The following HOOK3 variants were observed in gnomAD, a reference collection of about 807,000 sequenced individuals.
HOOK3 encodes the protein hook microtubule tethering protein 3, also known as protein Hook homolog 3.
A neutral mutation model predicts 116.3 loss-of-function variants in HOOK3; 24 were observed. The ratio of observed to expected loss-of-function variants is 0.21; its 90% CI spans 0.15 to 0.29. HOOK3 has a LOEUF of 0.29. HOOK3 is among the 10% of genes least tolerant of loss of function. The pLI, the probability that HOOK3 is intolerant of heterozygous loss-of-function variation, is 1.00. For missense variants in HOOK3, 632 were observed against 830.2 expected (o/e 0.76, Z 2.93); for synonymous variants, 275 against 283.0 (o/e 0.97, Z 0.28).
At chr8:42,963,890 G>C (rs1185777184) in intron 8 of HOOK3, among the ~76,000 whole-genome samples, 1 of 152,194 alleles carries the variant, frequency 6.6e-6, no homozygotes, top group Non-Finnish European at 1.5e-5. Context: ...GTTTTAAGTA[G>C]AGATTGATTG....
At chr8:42,996,212 C>T (rs1809261796) in intron 15 of HOOK3, among the ~76,000 whole-genome samples, 1 of 151,780 alleles carries the variant, frequency 6.6e-6, no homozygotes, top group South Asian at 2.1e-4. Flanking sequence ...ATAGTGAAAC[C>T]CCGTCTCTAC....
chr8:42,989,047 T>C (rs1367729775), intron 15 of HOOK3, among the ~76,000 whole-genome samples: 1 of 152,234 alleles, frequency 6.6e-6, no homozygotes, highest in Non-Finnish European at 1.5e-5. Flanking sequence ...CGTAGACCTC[T>C]GAAGTCCTTT....
chr8:43,008,902 G>A (rs1037996787), intron 18 of HOOK3, among the ~76,000 whole-genome samples: 1 of 150,828 alleles, frequency 6.6e-6, no homozygotes, highest in Non-Finnish European at 1.5e-5. Flanking sequence ...CTCGTGATCC[G>A]CCCGCCTCGG....
At chr8:42,902,354 C>T (rs73635342) in intron 1 of HOOK3, among the ~76,000 whole-genome samples, 2,158 of 151,770 alleles carry the variant, frequency 0.014, 51 homozygotes, top group African/African-American at 0.051. Context: ...TCACTGCAGT[C>T]CCGACCCCCC....
chr8:42,939,194 G>T (rs1388501347), intron 4 of HOOK3, among the ~76,000 whole-genome samples: 2 of 151,972 alleles, frequency 1.3e-5, no homozygotes, highest in Non-Finnish European at 2.9e-5. Flanking sequence ...CCACAAAACC[G>T]CCATTGTCAT....
rs761411852 is a variant in HOOK3 at position 42,974,087 on chromosome 8, A to G, written c.1234-20A>G. 1.5e-5 allele frequency: 23 copies of G among 1,582,612 alleles called. No homozygotes were observed. The South Asian group carries it at 2.3e-4, about 16-fold the overall frequency. On this transcript the variant is annotated intron_variant, in intron 12 of 21. Transcript: ENST00000307602. ...TCTTAAAACGTGAAGCTAACCCTCC[A>G]TGTTTTTGTGTCTCTCCAGAGGCTG...
At chr8:42,933,366 T>G (rs1269785064) in intron 4 of HOOK3, among the ~76,000 whole-genome samples, 9 of 152,050 alleles carry the variant, frequency 5.9e-5, no homozygotes, top group Non-Finnish European at 2.9e-5. Context: ...GAATTCAGAG[T>G]TTTTCAGATT....
chr8:42,978,906 T>G (rs1484579205), intron 13 of HOOK3, among the ~76,000 whole-genome samples: 2 of 152,166 alleles, frequency 1.3e-5, no homozygotes, highest in Non-Finnish European at 2.9e-5. Context: ...TGATCTAAGC[T>G]CATACCTAGT....
At chr8:42,990,393 T>C (rs1206826228) in intron 15 of HOOK3, among the ~76,000 whole-genome samples, 1 of 127,696 alleles carries the variant, frequency 7.8e-6, no homozygotes, top group East Asian at 2.6e-4. Flanking sequence ...CAGGCTGGAA[T>C]GCAGTGGCAC....
intron 16 of HOOK3, 124 bp downstream of exon 16, chr8:42,997,761 A>T (rs1320365226): frequency 1.5e-6 from 1 of 680,852 alleles, no homozygotes; most frequent in African/African-American, 1.8e-5. Flanking sequence ...GAAAAGAAAT[A>T]GTGTTTTCCT....
chr8:42,930,197 T>C (rs1807846965), intron 4 of HOOK3, 25 bp downstream of exon 4: 1 of 1,502,202 alleles, frequency 6.7e-7, no homozygotes. Context: ...CTCATTCTGC[T>C]TAGAAGTGTT....
chr8:42,971,028 C>A (rs1241303687), intron 11 of HOOK3, among the ~76,000 whole-genome samples: 1 of 152,040 alleles, frequency 6.6e-6, no homozygotes, highest in East Asian at 1.9e-4. Context: ...CTCAAGACAT[C>A]CTCCTGCCTC....
intron 17 of HOOK3, among the ~76,000 whole-genome samples, chr8:43,005,313 C>T (rs529202331): frequency 8.7e-4 from 130 of 149,826 alleles, no homozygotes; most frequent in African/African-American, 3.1e-3. Context: ...CTCCGCTTCC[C>T]GGGTTCACGA....
chr8:42,955,532 A>G (rs1482871975), intron 6 of HOOK3, among the ~76,000 whole-genome samples: 1 of 152,200 alleles, frequency 6.6e-6, no homozygotes, highest in African/African-American at 2.4e-5. Context: ...AAAATAATTG[A>G]TTAAACAAAT....
At chr8:43,011,118 G>A (rs547887524) in intron 19 of HOOK3, among the ~76,000 whole-genome samples, 2 of 151,844 alleles carry the variant, frequency 1.3e-5, no homozygotes, top group South Asian at 2.1e-4. Flanking sequence ...TCAGCCTCCC[G>A]AGTAGCTAGG....
In HOOK3 at chr8:43,022,506, G is replaced by A. The variant is rs1179406660; in HGVS notation, c.*4008G>A. 3.1e-5 allele frequency: 6 copies of A among 192,442 alleles called. No homozygotes were observed. Among genetic ancestry groups the A allele is most frequent in the African/African-American group, 1.4e-4 (6 of 42,980 alleles). The allele number at this position is 192,442 out of a possible 1,614,324, so 11.9% of individuals were successfully genotyped here. ...ATTTTCTGTTTTCCTTCTAACCAGG[G>A]TGAGAAAATACAAAGTAAAGAACTA... On this transcript the variant is annotated 3_prime_UTR_variant, in exon 22 of 22. Transcript: ENST00000307602.
intron 2 of HOOK3, among the ~76,000 whole-genome samples, chr8:42,911,694 A>G (rs1271771790): frequency 6.6e-6 from 1 of 152,208 alleles, no homozygotes; most frequent in East Asian, 1.9e-4. Flanking sequence ...TCAAAATGGT[A>G]TATAAAATCA....
intron 15 of HOOK3, among the ~76,000 whole-genome samples, chr8:42,991,216 G>A (rs1466898598): frequency 6.6e-6 from 1 of 152,074 alleles, no homozygotes; most frequent in Non-Finnish European, 1.5e-5. Flanking sequence ...TTTGAAGTCA[G>A]GTAACATGAT....
intron 15 of HOOK3, among the ~76,000 whole-genome samples, chr8:42,996,566 A>G (rs1168486189): frequency 1.3e-5 from 2 of 151,934 alleles, no homozygotes; most frequent in Admixed American, 6.6e-5. Flanking sequence ...CTTTTCCCCC[A>G]GTTTCTCTCC....
Sources: allele counts gnomAD v4.1 joint callset (sites outside exome capture counted in the v4.1 genomes callset), GRCh38; gene constraint gnomAD v4.1.1; transcripts MANE v1.5; gene names NCBI Gene and HGNC (gene_info 2026-07-23, HGNC 2026-07-21).